Variants in TIMM13 observed in about 807,000 individuals in gnomAD.
TIMM13 encodes the protein translocase of inner mitochondrial membrane 13, also known as mitochondrial import inner membrane translocase subunit Tim13.
TIMM13 carries 8 observed loss-of-function variants against 10.9 expected under a neutral mutation model. That is an observed-to-expected ratio of 0.73 (90% CI 0.43 to 1.32). The LOEUF (loss-of-function observed/expected upper bound fraction) is 1.32. Ranked by LOEUF, TIMM13 falls within the 40% of genes most tolerant of loss-of-function variation. The pLI, the probability that TIMM13 is intolerant of heterozygous loss-of-function variation, is 0.01. For synonymous variants in TIMM13, 68 were observed against 52.5 expected (o/e 1.30, Z -1.28); for missense variants, 147 against 132.8 (o/e 1.11, Z -0.53).
Position 2,427,059 on chromosome 19 carries a change from A to C in TIMM13, c.190-13T>G. The C allele has an allele frequency of 6.2e-7, 1 of 1,606,668 alleles. No individual in the cohort carries two copies. The highest frequency in any genetic ancestry group is 8.5e-7 in the Non-Finnish European group (1 of 1,178,004). On this transcript the variant is annotated splice_polypyrimidine_tract_variant and intron_variant, in intron 2 of 2. Coordinates refer to ENST00000215570, the MANE Select transcript of TIMM13 (RefSeq NM_012458.4). ...TGGCGATGCACTTCTGCGGGAGCGGAGGGGCGCACGGCTCAGCTCGGGACT... is the reference window on the plus strand; with the variant it reads ...TGGCGATGCACTTCTGCGGGAGCGGCGGGGCGCACGGCTCAGCTCGGGACT...
At position 2,426,912 on chromosome 19, in the gene TIMM13, G is replaced by A. The variant is rs924948702; in HGVS notation, c.*36C>T. 1.3e-6 allele frequency: 2 copies of A among 1,550,940 alleles called. No individual in the cohort carries two copies. Among genetic ancestry groups the A allele is most frequent in the East Asian group, 4.8e-5 (2 of 41,318 alleles). On this transcript the variant is annotated 3_prime_UTR_variant, in exon 3 of 3. Coordinates refer to ENST00000215570, the MANE Select transcript of TIMM13 (RefSeq NM_012458.4). ...ACCCCGCCTCTCAAAGCACGTTTAT[G>A]GAAATGAACAGGGTGGGGTGGCCCG... is the stretch of plus-strand genomic sequence containing the variant.
rs1447194139 is a variant in TIMM13 at position 2,425,688 on chromosome 19, T to C, written c.*1260A>G. The C allele has an allele frequency of 8.1e-6, 10 of 1,228,920 alleles. No individual in the cohort carries two copies. The highest frequency in any genetic ancestry group is 2.9e-4 in the Middle Eastern group (1 of 3,470). 76.1% of individuals were successfully genotyped at this position (1,228,920 alleles called of 1,614,324 possible). A position where few individuals can be genotyped will look rare whatever the true frequency, so the allele number is the denominator to read the frequency against. On this transcript the variant is annotated 3_prime_UTR_variant, in exon 3 of 3. Coordinates refer to ENST00000215570, the MANE Select transcript of TIMM13 (RefSeq NM_012458.4). ...TTATTGGGCAACCCACCGCATCCCATCCCCGGGCCTCGGCGGCAGAGCAGG... is the reference window on the plus strand; with the variant it reads ...TTATTGGGCAACCCACCGCATCCCACCCCCGGGCCTCGGCGGCAGAGCAGG...
chr19:2,426,797 G>A lies in TIMM13; in HGVS notation c.*151C>T, dbSNP rs1165696252. The stretch of plus-strand genomic sequence containing the variant: ...TCCAAGCTGCACTGGCTGGCAGGGG[G>A]CAGGGCGGGGGGTGGCGAGGACACA... On this transcript the variant is annotated 3_prime_UTR_variant, in exon 3 of 3. Coordinates refer to ENST00000215570, the MANE Select transcript of TIMM13 (RefSeq NM_012458.4). 3.8e-6 allele frequency: 3 copies of A among 781,756 alleles called. No homozygotes were observed. Among genetic ancestry groups the A allele is most frequent in the South Asian group, 1.7e-5 (1 of 59,950 alleles). 48.4% of individuals were successfully genotyped at this position (781,756 alleles called of 1,614,324 possible). A position where few individuals can be genotyped will look rare whatever the true frequency, so the allele number is the denominator to read the frequency against.
chr19:2,426,611 C>T lies in TIMM13; in HGVS notation c.*337G>A, dbSNP rs1303494281. Reference sequence around the variant, plus strand: ...TGCCCATCCGCAGGAGGTGACAGCTCCTGTGGTGTCTGACCACCCCCAACT... The same window carrying T: ...TGCCCATCCGCAGGAGGTGACAGCTTCTGTGGTGTCTGACCACCCCCAACT... On this transcript the variant is annotated 3_prime_UTR_variant, in exon 3 of 3. Coordinates refer to ENST00000215570, the MANE Select transcript of TIMM13 (RefSeq NM_012458.4). The T allele has an allele frequency of 2.2e-6, 1 of 446,420 alleles. No homozygotes were observed. Among genetic ancestry groups the T allele is most frequent in the Non-Finnish European group, 4.1e-6 (1 of 245,800 alleles). The allele number at this position is 446,420 out of a possible 1,614,324, so 27.7% of individuals were successfully genotyped here.
At position 2,427,304 on chromosome 19, in the gene TIMM13, G is replaced by A. The variant is rs1971662672; in HGVS notation, c.141C>T (p.Phe47=). ...CCCCAGGTTTCCCTATACACTTCCG[G>A]AAACACTTGTCCGTCATCCTCTGTG... ...ELLQRMTDKC[F]RKCIGKPGGS... is the part of the protein sequence containing the mutation. Residue 47 remains phenylalanine (F), a synonymous_variant, in exon 2 of 3, where the codon TTC becomes TTT. Transcript: ENST00000215570. The A allele has an allele frequency of 6.2e-7, 1 of 1,613,436 alleles. No individual in the cohort carries two copies. Among genetic ancestry groups the A allele is most frequent in the African/African-American group, 1.3e-5 (1 of 75,026 alleles).
chr19:2,426,832 G>T lies in TIMM13; in HGVS notation c.*116C>A. On this transcript the variant is annotated 3_prime_UTR_variant, in exon 3 of 3. Transcript: ENST00000215570. ...GGGTGGCGAGGACACAGTCCCGTGT[G>T]TCCCAGCACCGGTGCCACCCTCCTA... 1 of 1,037,238 alleles carries T rather than the reference G, an allele frequency of 9.6e-7. No homozygotes were observed. 64.3% of individuals were successfully genotyped at this position (1,037,238 alleles called of 1,614,324 possible).
In TIMM13 at chr19:2,425,873, G is replaced by A. The variant is rs1568196027; in HGVS notation, c.*1075C>T. The stretch of plus-strand genomic sequence containing the variant: ...TCCTAGAGGGGCCAATGACCCAAGG[G>A]CTGCTGTAGGGGAGGTACCGGCCTC... On this transcript the variant is annotated 3_prime_UTR_variant, in exon 3 of 3. Transcript: ENST00000215570. The A allele has an allele frequency of 3.9e-6, 6 of 1,529,362 alleles. No individual in the cohort carries two copies. The highest frequency in any genetic ancestry group is 5.2e-6 in the Non-Finnish European group (6 of 1,145,824). 94.7% of individuals were successfully genotyped at this position (1,529,362 alleles called of 1,614,324 possible).
In TIMM13 at chr19:2,426,255, C is replaced by CA; in HGVS notation, c.*692dup. 1 of 353,572 alleles carries CA rather than the reference C, an allele frequency of 2.8e-6. No individual in the cohort carries two copies. Among genetic ancestry groups the CA allele is most frequent in the South Asian group, 4.5e-5 (1 of 22,224 alleles). The allele number at this position is 353,572 out of a possible 1,614,324, so 21.9% of individuals were successfully genotyped here. The stretch of plus-strand genomic sequence containing the variant: ...TTTGTTCCAATAAACACAGCCCCTC[C>CA]ACCCTAGCTCACTGGCTCAGCACCT... On this transcript the variant is annotated 3_prime_UTR_variant, in exon 3 of 3. Transcript: ENST00000215570.
At position 2,426,974 on chromosome 19, in the gene TIMM13, G is replaced by T; in HGVS notation, c.262C>A (p.Leu88Met). Residue 88 changes from leucine to methionine, a missense_variant, in exon 3 of 3, where the codon CTG becomes ATG. Leu to Met is a conservative substitution (Grantham distance 15, BLOSUM62 2). Coordinates refer to ENST00000215570, the MANE Select transcript of TIMM13 (RefSeq NM_012458.4). ...NTVSRAYNSR[L>M]QRERANM ...CACATGTTGGCTCGTTCCCGCTGCA[G>T]CCGCGAGTTGTAGGCGCGAGACACG... 6.2e-7 allele frequency: 1 copy of T among 1,602,658 alleles called. No individual in the cohort carries two copies. Among genetic ancestry groups the T allele is most frequent in the Non-Finnish European group, 8.5e-7 (1 of 1,175,504 alleles).
rs1971606173 is a variant in TIMM13 at position 2,425,699 on chromosome 19, C to A, written c.*1249G>T. ...CCCACCGCATCCCATCCCCGGGCCT[C>A]GGCGGCAGAGCAGGCAGAGGCTGCA... On this transcript the variant is annotated 3_prime_UTR_variant, in exon 3 of 3. Transcript: ENST00000215570. 4 of 1,214,696 alleles carry A rather than the reference C, an allele frequency of 3.3e-6. No homozygotes were observed. The Admixed American group carries it at 1.3e-4, about 40-fold the overall frequency. 75.2% of individuals were successfully genotyped at this position (1,214,696 alleles called of 1,614,324 possible). A position where few individuals can be genotyped will look rare whatever the true frequency, so the allele number is the denominator to read the frequency against.
In TIMM13 at chr19:2,426,018, C is replaced by T; in HGVS notation, c.*930G>A. On this transcript the variant is annotated 3_prime_UTR_variant, in exon 3 of 3. Transcript: ENST00000215570. ...AGCTGGGGCTATGGCTGTGGCCGGC[C>T]CCACTTCCCAGGTGTCTATACCCGG... is the stretch of plus-strand genomic sequence containing the variant. 1 of 1,607,812 alleles carries T rather than the reference C, an allele frequency of 6.2e-7. No homozygotes were observed. Among genetic ancestry groups the T allele is most frequent in the Non-Finnish European group, 8.5e-7 (1 of 1,177,906 alleles).
At position 2,427,034 on chromosome 19, in the gene TIMM13, T is replaced by G; in HGVS notation, c.202A>C (p.Met68Leu). 1.9e-6 allele frequency: 3 copies of G among 1,609,456 alleles called. No individual in the cohort carries two copies. The highest frequency in any genetic ancestry group is 2.5e-6 in the Non-Finnish European group (3 of 1,178,776). The part of the protein sequence containing the change: ...LDNSEQKCIA[M>L]CMDRYMDAWN... ...GCGTCCATGTAGCGGTCCATGCACA[T>G]GGCGATGCACTTCTGCGGGAGCGGA... The change falls in exon 3 of 3, where the codon ATG becomes CTG. Residue 68 changes from methionine to leucine, a missense_variant. Coordinates refer to ENST00000215570, the MANE Select transcript of TIMM13 (RefSeq NM_012458.4).
rs1971623225 is a variant in TIMM13, at chr19:2,426,110, CGA to C, written c.*836_*837del. The C allele has an allele frequency of 6.3e-7, 1 of 1,588,446 alleles. No homozygotes were observed. Among genetic ancestry groups the C allele is most frequent in the Non-Finnish European group, 8.6e-7 (1 of 1,169,510 alleles). On this transcript the variant is annotated 3_prime_UTR_variant, in exon 3 of 3. Coordinates refer to ENST00000215570, the MANE Select transcript of TIMM13 (RefSeq NM_012458.4). ...GTGACCACCACGTGACTGCCCAGGC[CGA>C]GACTCTACGTGAAAGCAACAGGAGC...
intron 2 of TIMM13, 39 bp downstream of exon 2, chr19:2,427,217 G>A: frequency 3.7e-6 from 6 of 1,607,742 alleles, no homozygotes; most frequent in Non-Finnish European, 5.1e-6. Context: ...TCGAATCTAG[G>A]CCCTCGCGAC....
rs139208821 is a variant in TIMM13, at chr19:2,427,232, G to T, written c.189+24C>A. 2.8e-4 allele frequency: 456 copies of T among 1,611,570 alleles called. 9 individuals are homozygous for T. In the Middle Eastern group the frequency reaches 3.0e-3, roughly 11 times the overall value. On this transcript the variant is annotated intron_variant, in intron 2 of 2. Coordinates refer to ENST00000215570, the MANE Select transcript of TIMM13 (RefSeq NM_012458.4). ...TCGAATCTAGGCCCTCGCGACCCTT[G>T]CCCCGAACCTCCGCGGGTCTCACCT...
In TIMM13 at chr19:2,425,959, G is replaced by C. The variant is rs746183325; in HGVS notation, c.*989C>G. On this transcript the variant is annotated 3_prime_UTR_variant, in exon 3 of 3. Coordinates refer to ENST00000215570, the MANE Select transcript of TIMM13 (RefSeq NM_012458.4). ...CTGGGGGACCCCTGGCCTGCAGGGA[G>C]CCCTCTGGACGGTGGGTGCTAACTG... The C allele has an allele frequency of 2.0e-5, 32 of 1,603,328 alleles. No individual in the cohort carries two copies. In the East Asian group the frequency reaches 6.3e-4, roughly 31 times the overall value.
chr19:2,426,602 G>A lies in TIMM13; in HGVS notation c.*346C>T, dbSNP rs79130882. On this transcript the variant is annotated 3_prime_UTR_variant, in exon 3 of 3. Transcript: ENST00000215570. ...CAATTTATTTGCCCATCCGCAGGAGGTGACAGCTCCTGTGGTGTCTGACCA... is the reference window on the plus strand; with the variant it reads ...CAATTTATTTGCCCATCCGCAGGAGATGACAGCTCCTGTGGTGTCTGACCA... 20,247 of 402,228 alleles carry A rather than the reference G, an allele frequency of 0.05. 581 individuals are homozygous for A. Among genetic ancestry groups the A allele is most frequent in the East Asian group, 0.076 (1,688 of 22,186 alleles). The allele number at this position is 402,228 out of a possible 1,614,324, so 24.9% of individuals were successfully genotyped here.
chr19:2,427,293 A>C lies in TIMM13; in HGVS notation c.152T>G (p.Ile51Arg), dbSNP rs757224319. The change falls in exon 2 of 3, where the codon ATA becomes AGA. Residue 51 changes from isoleucine to arginine, a missense_variant. Physicochemically the swap from Ile to Arg is moderately conservative, Grantham distance 97. Coordinates refer to ENST00000215570, the MANE Select transcript of TIMM13 (RefSeq NM_012458.4). ...RMTDKCFRKC[I>R]GKPGGSLDNS... ...GTCCAGGGAGCCCCCAGGTTTCCCTATACACTTCCGGAAACACTTGTCCGT... is the reference window on the plus strand; with the variant it reads ...GTCCAGGGAGCCCCCAGGTTTCCCTCTACACTTCCGGAAACACTTGTCCGT... 1 of 1,613,168 alleles carries C rather than the reference A, an allele frequency of 6.2e-7. No homozygotes were observed. Among genetic ancestry groups the C allele is most frequent in the Non-Finnish European group, 8.5e-7 (1 of 1,179,800 alleles).
Position 2,425,883 on chromosome 19 carries a change from G to C in TIMM13, c.*1065C>G. On this transcript the variant is annotated 3_prime_UTR_variant, in exon 3 of 3. Transcript: ENST00000215570. The stretch of plus-strand genomic sequence containing the variant: ...GCCAATGACCCAAGGGCTGCTGTAG[G>C]GGAGGTACCGGCCTCTGAACCCCCT... 6.5e-7 allele frequency: 1 copy of C among 1,544,540 alleles called. No homozygotes were observed.
Sources: allele counts gnomAD v4.1 joint callset, GRCh38; gene constraint gnomAD v4.1.1; transcripts MANE v1.5; gene names NCBI Gene and HGNC (gene_info 2026-07-23, HGNC 2026-07-21).